STYK1: variants seen among roughly 807,000 people sequenced by gnomAD.
The protein encoded by STYK1 is tyrosine-protein kinase STYK1.
Under a neutral mutation model 48.1 loss-of-function variants are expected in STYK1, and 46 were observed. That is an observed-to-expected ratio of 0.96 (90% CI 0.75 to 1.22). The LOEUF (loss-of-function observed/expected upper bound fraction) is 1.22. Among genes scored for constraint, STYK1 ranks in the 50% most tolerant of loss-of-function variants. The probability of loss-of-function intolerance (pLI) is 0.00; values close to 1 mark genes in which losing one functional copy is unlikely to be tolerated. For missense variants in STYK1, 527 were observed against 521.1 expected (o/e 1.01, Z -0.11); for synonymous variants, 188 against 189.0 (o/e 0.99, Z 0.04).
intron 1 of STYK1, among the ~76,000 whole-genome samples, chr12:10,639,812 A>G (rs1947524616): frequency 6.6e-6 from 1 of 152,214 alleles, no homozygotes; most frequent in African/African-American, 2.4e-5. Flanking sequence ...TGTTGTGCAT[A>G]TATACTTGTC....
intron 4 of STYK1, among the ~76,000 whole-genome samples, chr12:10,632,107 T>C (rs1315196549): frequency 6.6e-6 from 1 of 151,820 alleles, no homozygotes; most frequent in South Asian, 2.1e-4. Context: ...ATCCCAGCTA[T>C]TGGGGAGGCC....
rs1565577862 is a variant in STYK1, at chr12:10,672,169, T to A, written c.-195+1797A>T. Among the ~76,000 whole-genome samples, 1 of 152,104 alleles carries A rather than the reference T, an allele frequency of 6.6e-6. No individual in the cohort carries two copies. The highest frequency in any genetic ancestry group is 2.4e-5 in the African/African-American group (1 of 41,400). ...TGGAATAGATGCAGGCTTCATAACA[T>A]GTTAGTTTTGGATAGCCAGCCTACT... On this transcript the variant is annotated intron_variant, in intron 1 of 10. Transcript: ENST00000075503. The surrounding 1 kb of genome is among the most constrained non-coding windows in gnomAD (Gnocchi z 4.0).
At chr12:10,640,988 T>C (rs1231881967) in intron 1 of STYK1, among the ~76,000 whole-genome samples, 2 of 152,260 alleles carry the variant, frequency 1.3e-5, no homozygotes, top group African/African-American at 4.8e-5. Context: ...ATTATCTTGC[T>C]ATTTTGTATG....
intron 4 of STYK1, 62 bp from the exon 5 acceptor site, chr12:10,631,370 C>T: frequency 6.3e-7 from 1 of 1,577,020 alleles, no homozygotes; most frequent in Non-Finnish European, 8.6e-7. Flanking sequence ...GAAAGCAGAC[C>T]CTGAAACAAA....
At chr12:10,670,594 G>C (rs904513768) in intron 1 of STYK1, among the ~76,000 whole-genome samples, 7 of 151,704 alleles carry the variant, frequency 4.6e-5, no homozygotes, top group South Asian at 2.1e-4. Context: ...TTAGAAAGAC[G>C]TCAAAGGATA....
At chr12:10,648,061 T>C (rs1180344792) in intron 1 of STYK1, among the ~76,000 whole-genome samples, 3 of 152,180 alleles carry the variant, frequency 2.0e-5, no homozygotes, top group Non-Finnish European at 4.4e-5. Context: ...ATAAACCCCA[T>C]AGATTATGAC....
intron 1 of STYK1, among the ~76,000 whole-genome samples, chr12:10,666,752 C>T (rs1001065611): frequency 6.6e-6 from 1 of 152,214 alleles, no homozygotes; most frequent in Non-Finnish European, 1.5e-5. Flanking sequence ...CCTTTGCTTC[C>T]TTCACATGCT....
chr12:10,639,001 G>A (rs981306731), intron 1 of STYK1, among the ~76,000 whole-genome samples: 4 of 152,180 alleles, frequency 2.6e-5, no homozygotes, highest in Non-Finnish European at 5.9e-5. Context: ...ATGGCTTTGG[G>A]CTATGGGGCA....
At chr12:10,671,463 A>G (rs542796912) in intron 1 of STYK1, among the ~76,000 whole-genome samples, 1 of 149,484 alleles carries the variant, frequency 6.7e-6, no homozygotes, top group African/African-American at 2.5e-5. Context: ...AGCATAAGAC[A>G]TGAGAAACAC....
intron 1 of STYK1, among the ~76,000 whole-genome samples, chr12:10,653,472 G>C (rs908296861): frequency 6.6e-6 from 1 of 152,140 alleles, no homozygotes; most frequent in African/African-American, 2.4e-5. Flanking sequence ...CAAGAAAGTA[G>C]AACTATAATG....
chr12:10,643,534 C>A (rs1388451288), intron 1 of STYK1, among the ~76,000 whole-genome samples: 2 of 152,118 alleles, frequency 1.3e-5, no homozygotes, highest in African/African-American at 4.8e-5. Flanking sequence ...GGGGGCCAGC[C>A]TTATACCAAG....
intron 1 of STYK1, among the ~76,000 whole-genome samples, chr12:10,647,689 C>T (rs371162733): frequency 6.6e-6 from 1 of 151,952 alleles, no homozygotes; most frequent in Non-Finnish European, 1.5e-5. Flanking sequence ...TGGCTGTGTC[C>T]CCACCCAAAT....
chr12:10,631,312 G>A lies in STYK1; in HGVS notation c.188-4C>T. The stretch of plus-strand genomic sequence containing the variant: ...GGTGGAGGAACAGGGGCAATGCCTA[G>A]AACAGAGAGATGATGTCAACCAGTT... On this transcript the variant is annotated splice_region_variant and splice_polypyrimidine_tract_variant and intron_variant, in intron 4 of 10. Transcript: ENST00000075503. 1 of 1,610,532 alleles carries A rather than the reference G, an allele frequency of 6.2e-7. No homozygotes were observed.
At chr12:10,625,100 T>G (rs1370384688) in intron 7 of STYK1, among the ~76,000 whole-genome samples, 1 of 152,236 alleles carries the variant, frequency 6.6e-6, no homozygotes, top group Non-Finnish European at 1.5e-5. Flanking sequence ...TTTGAAAATA[T>G]AATCACCTCT....
At chr12:10,639,702 C>T (rs992247810) in intron 1 of STYK1, among the ~76,000 whole-genome samples, 2 of 152,202 alleles carry the variant, frequency 1.3e-5, no homozygotes, top group Non-Finnish European at 2.9e-5. Flanking sequence ...GCGTGAGCCA[C>T]TGTACCCCAC....
chr12:10,627,893 T>C (rs3759260), intron 6 of STYK1, among the ~76,000 whole-genome samples, 169 bp from the exon 7 acceptor site: 84,875 of 152,070 alleles, frequency 0.56, 24,915 homozygotes, highest in East Asian at 0.79. Flanking sequence ...GGCAGAGACA[T>C]AAAATGATCC....
chr12:10,622,009 C>T (rs779857290), intron 9 of STYK1, 37 bp from the exon 10 acceptor site: 12 of 1,570,090 alleles, frequency 7.6e-6, no homozygotes, highest in East Asian at 2.2e-5. Flanking sequence ...TTAAGGTCCT[C>T]TAAAATATGA....
intron 1 of STYK1, among the ~76,000 whole-genome samples, chr12:10,660,732 T>G (rs1233990772): frequency 6.6e-6 from 1 of 152,156 alleles, no homozygotes; most frequent in Non-Finnish European, 1.5e-5. Context: ...TATACACTAA[T>G]TATAATGTAT....
chr12:10,627,769 A>G (rs1359646012), intron 6 of STYK1, 45 bp from the exon 7 acceptor site: 2 of 1,513,288 alleles, frequency 1.3e-6, no homozygotes, highest in South Asian at 1.2e-5. Flanking sequence ...AATAGCACTC[A>G]CAGATTTGGA....
Sources: gnomAD v4.1 joint callset for allele counts (sites outside exome capture counted in the v4.1 genomes callset) on GRCh38, gnomAD v4.1.1 for gene constraint, Gnocchi (gnomAD v3.1) non-coding constraint, MANE v1.5 for transcripts, NCBI Gene and HGNC (gene_info 2026-07-23, HGNC 2026-07-21) for gene names.